Variants in PACRG observed in about 807,000 individuals in gnomAD.
PACRG encodes parkin coregulated, also known as parkin coregulated gene protein.
PACRG carries 29 observed loss-of-function variants against 29.7 expected under a neutral mutation model. That is an observed-to-expected ratio of 0.98 (90% CI 0.73 to 1.33). The LOEUF (loss-of-function observed/expected upper bound fraction) is 1.33. PACRG is among the 40% of genes most tolerant of loss of function. PACRG has a pLI of 0.00. For missense variants in PACRG, 279 were observed against 316.2 expected, an observed-to-expected ratio of 0.88 and a Z score of 0.89; for synonymous variants, 116 against 118.7, an observed-to-expected ratio of 0.98 and a Z score of 0.15.
intron 3 of PACRG, among the ~76,000 whole-genome samples, chr6:163,066,796 A>G (rs1811585677): frequency 6.6e-6 from 1 of 152,232 alleles, no homozygotes; most frequent in South Asian, 2.1e-4. Context: ...AATAATACTT[A>G]AATATGTTCA....
At chr6:163,282,317 A>G (rs1562357287) in intron 4 of PACRG, among the ~76,000 whole-genome samples, 2 of 152,222 alleles carry the variant, frequency 1.3e-5, no homozygotes, top group South Asian at 4.1e-4. Flanking sequence ...GAAAATCTAA[A>G]TGAAGTCCTT....
chr6:162,968,247 A>T (rs920780051), intron 2 of PACRG, among the ~76,000 whole-genome samples: 1 of 152,250 alleles, frequency 6.6e-6, no homozygotes, highest in Non-Finnish European at 1.5e-5. Context: ...GAAAGTAAAC[A>T]TCTGGTTTTA....
intron 2 of PACRG, among the ~76,000 whole-genome samples, chr6:162,874,933 A>G (rs1010238740): frequency 6.6e-6 from 1 of 152,060 alleles, no homozygotes; most frequent in Non-Finnish European, 1.5e-5. Context: ...ATACACACAC[A>G]CATACACTCA....
chr6:163,003,749 C>T (rs1008966471), intron 2 of PACRG, among the ~76,000 whole-genome samples: 3 of 152,112 alleles, frequency 2.0e-5, no homozygotes, highest in Non-Finnish European at 2.9e-5. Flanking sequence ...TCATTTATTG[C>T]CCTTCTTCTC....
At chr6:162,929,416 T>C (rs149809376) in intron 2 of PACRG, among the ~76,000 whole-genome samples, 80 of 152,058 alleles carry the variant, frequency 5.3e-4, no homozygotes, top group African/African-American at 1.8e-3. Flanking sequence ...CTTCTGCCCA[T>C]TTTTAAATTG....
At chr6:163,194,279 T>C (rs1451659575) in intron 4 of PACRG, among the ~76,000 whole-genome samples, 1 of 151,996 alleles carries the variant, frequency 6.6e-6, no homozygotes, top group Non-Finnish European at 1.5e-5. Context: ...GTTCCTGGGG[T>C]TCTGTTTTTA....
chr6:163,199,007 A>G (rs1302860820), intron 4 of PACRG, among the ~76,000 whole-genome samples: 1 of 152,176 alleles, frequency 6.6e-6, no homozygotes, highest in Non-Finnish European at 1.5e-5. Flanking sequence ...GTTTCTGATG[A>G]GCCTCTCCAA....
At chr6:163,280,048 C>T (rs1435517084) in intron 4 of PACRG, among the ~76,000 whole-genome samples, 7 of 152,172 alleles carry the variant, frequency 4.6e-5, no homozygotes, top group Non-Finnish European at 7.3e-5. Flanking sequence ...AGATTGTTTT[C>T]GCTCGGGTCT....
intron 2 of PACRG, among the ~76,000 whole-genome samples, chr6:163,032,266 TC>T (rs1260864428): frequency 6.6e-6 from 1 of 152,220 alleles, no homozygotes; most frequent in African/African-American, 2.4e-5. Context: ...CTTTAGACTT[TC>T]ATTAGTTTAG....
intron 2 of PACRG, among the ~76,000 whole-genome samples, chr6:162,887,824 T>C (rs1237708165): frequency 6.6e-6 from 1 of 152,172 alleles, no homozygotes; most frequent in African/African-American, 2.4e-5. Context: ...TTGGTCTTCA[T>C]GACTCAGCAT....
chr6:163,087,480 C>G (rs1813676201), intron 3 of PACRG, among the ~76,000 whole-genome samples: 1 of 146,042 alleles, frequency 6.8e-6, no homozygotes, highest in African/African-American at 2.6e-5. Flanking sequence ...AGGATGGAGA[C>G]CAGGACCAGA....
chr6:162,765,974 G>A (rs1782758187), intron 1 of PACRG, among the ~76,000 whole-genome samples: 1 of 152,028 alleles, frequency 6.6e-6, no homozygotes, highest in African/African-American at 2.4e-5. Flanking sequence ...TACTTACAGA[G>A]TACAATGTCA....
intron 4 of PACRG, among the ~76,000 whole-genome samples, chr6:163,161,242 G>A (rs1778544128): frequency 6.6e-6 from 1 of 152,030 alleles, no homozygotes; most frequent in Non-Finnish European, 1.5e-5. Context: ...TTACTCCAGA[G>A]GTTGAATCTT....
At chr6:163,098,261 C>T (rs1351759525) in intron 4 of PACRG, among the ~76,000 whole-genome samples, 1 of 152,104 alleles carries the variant, frequency 6.6e-6, no homozygotes, top group Admixed American at 6.5e-5. Flanking sequence ...GCACTCATGC[C>T]CCCTGCCTGT....
intron 1 of PACRG, among the ~76,000 whole-genome samples, chr6:162,775,312 A>T (rs1783556964): frequency 2.0e-5 from 3 of 152,208 alleles, no homozygotes; most frequent in South Asian, 4.1e-4. Context: ...ATGACAGCCT[A>T]AACAGATTAA....
intron 2 of PACRG, among the ~76,000 whole-genome samples, chr6:162,970,983 G>A (rs959568187): frequency 3.3e-5 from 5 of 152,178 alleles, no homozygotes; most frequent in African/African-American, 9.7e-5. Context: ...ACGAGATGTG[G>A]TCATCTTCAC....
chr6:163,026,652 A>G (rs765002739), intron 2 of PACRG, among the ~76,000 whole-genome samples: 6 of 152,222 alleles, frequency 3.9e-5, no homozygotes, highest in African/African-American at 1.2e-4. Context: ...GCAAGAATCT[A>G]TTAACTTGTG....
chr6:162,820,314 TTTTA>T (rs10586703), intron 2 of PACRG, among the ~76,000 whole-genome samples: 7,961 of 152,252 alleles, frequency 0.052, 687 homozygotes, highest in African/African-American at 0.18. Flanking sequence ...TTCTAGTTCT[TTTTA>T]TTTCTCAGCA....
intron 4 of PACRG, among the ~76,000 whole-genome samples, chr6:163,234,912 A>G (rs556995071): frequency 6.6e-6 from 1 of 152,170 alleles, no homozygotes; most frequent in African/African-American, 2.4e-5. Flanking sequence ...TCTTTTTAAA[A>G]AGTTGATTTT....
Sources: gnomAD v4.1 joint callset for allele counts (sites outside exome capture counted in the v4.1 genomes callset) on GRCh38, gnomAD v4.1.1 for gene constraint, MANE v1.5 for transcripts, NCBI Gene and HGNC (gene_info 2026-07-23, HGNC 2026-07-21) for gene names.